Variants in IGF1R observed in about 807,000 individuals in gnomAD.
IGF1R encodes the protein insulin like growth factor 1 receptor.
A neutral mutation model predicts 144.6 loss-of-function variants in IGF1R; 44 were observed. The ratio of observed to expected loss-of-function variants is 0.30; its 90% CI spans 0.24 to 0.39. The LOEUF is 0.39. Ranked by LOEUF, IGF1R falls within the 10% of genes least tolerant of loss-of-function variation. The pLI is 1.00. For synonymous variants in IGF1R, 795 were observed against 722.8 expected (o/e 1.10, Z -1.60); for missense variants, 1,355 against 1,833.7 (o/e 0.74, Z 4.77).
chr15:98,722,374 C>T (rs1352516658), intron 2 of IGF1R, among the ~76,000 whole-genome samples: 1 of 152,196 alleles, frequency 6.6e-6, no homozygotes, highest in African/African-American at 2.4e-5. Flanking sequence ...GAAATGTCCA[C>T]ACTTGCTCAG....
At chr15:98,753,323 C>T (rs955627906) in intron 2 of IGF1R, among the ~76,000 whole-genome samples, 1 of 150,926 alleles carries the variant, frequency 6.6e-6, no homozygotes, top group African/African-American at 2.4e-5. Context: ...CTCAAGCAAT[C>T]CTCCCGCCTG....
At chr15:98,878,644 T>C (rs2141623047) in intron 2 of IGF1R, among the ~76,000 whole-genome samples, 2 of 132,332 alleles carry the variant, frequency 1.5e-5, no homozygotes, top group East Asian at 2.2e-4. Context: ...GATTTCTCTC[T>C]TCTTATTTGT....
chr15:98,824,472 T>TACTC (rs1468461374), intron 2 of IGF1R, among the ~76,000 whole-genome samples: 1 of 152,194 alleles, frequency 6.6e-6, no homozygotes, highest in Non-Finnish European at 1.5e-5. Context: ...TTAGGTAAGG[T>TACTC]ACTCATATGT....
At chr15:98,926,296 T>C (rs1334527602) in intron 13 of IGF1R, among the ~76,000 whole-genome samples, 2 of 152,162 alleles carry the variant, frequency 1.3e-5, no homozygotes, top group Non-Finnish European at 2.9e-5. Context: ...GAATGGAGGT[T>C]ACCAGGGGCT....
At chr15:98,949,604 CA>C (rs1234206384) in intron 20 of IGF1R, among the ~76,000 whole-genome samples, 2 of 152,164 alleles carry the variant, frequency 1.3e-5, no homozygotes, top group African/African-American at 4.8e-5. Flanking sequence ...CTCCTGACCT[CA>C]GATGATCTCC....
At chr15:98,898,371 T>C (rs1298968414) in intron 4 of IGF1R, among the ~76,000 whole-genome samples, 1 of 152,230 alleles carries the variant, frequency 6.6e-6, no homozygotes, top group East Asian at 1.9e-4. Context: ...AAATGTGTCT[T>C]CTGGTTTATG....
chr15:98,750,247 G>C (rs1236031511), intron 2 of IGF1R, among the ~76,000 whole-genome samples: 2 of 152,084 alleles, frequency 1.3e-5, no homozygotes, highest in Non-Finnish European at 2.9e-5. Flanking sequence ...CTCCCTTGTT[G>C]GGGGGTCCCT....
intron 2 of IGF1R, among the ~76,000 whole-genome samples, chr15:98,780,573 AAAGAG>A (rs564651837): frequency 0.056 from 902 of 16,204 alleles, 95 homozygotes; most frequent in African/African-American, 0.088. Context: ...AAAAAAAAAA[AAAGAG>A]AGAGAGAGTA....
intron 2 of IGF1R, among the ~76,000 whole-genome samples, chr15:98,842,951 G>A (rs955742033): frequency 6.6e-6 from 1 of 152,194 alleles, no homozygotes; most frequent in African/African-American, 2.4e-5. Context: ...AATTTTTGCT[G>A]TTAGCAAATA....
Position 98,913,091 on chromosome 15 carries a change from C to T in IGF1R, c.1637C>T (p.Ser546Phe). 1 of 1,614,194 alleles carries T rather than the reference C, an allele frequency of 6.2e-7. No homozygotes were observed. The highest frequency in any genetic ancestry group is 8.5e-7 in the Non-Finnish European group (1 of 1,180,034). The change falls in exon 8 of 21, where the codon TCC (serine) becomes TTC (phenylalanine). Residue 546 changes from serine (S) to phenylalanine (F), a missense_variant. Ser to Phe is a radical substitution (Grantham distance 155, BLOSUM62 -2). This residue lies in a region of IGF1R where 880 missense variants were observed against 1,202.7 expected (regional missense o/e 0.73). Transcript: ENST00000650285. ...TEYDGQDACG[S>F]NSWNMVDVDL... is the part of the protein sequence containing the mutation. ...TATGATGGGCAGGATGCCTGCGGCTCCAACAGCTGGAACATGGTGGACGTG... is the reference window on the plus strand; with the variant it reads ...TATGATGGGCAGGATGCCTGCGGCTTCAACAGCTGGAACATGGTGGACGTG...
rs149097400 is a variant in IGF1R, at chr15:98,822,492, A to G, written c.641-68833A>G. On this transcript the variant is annotated intron_variant, in intron 2 of 20. Coordinates refer to ENST00000650285, the MANE Select transcript of IGF1R (RefSeq NM_000875.5). ...ATGTAAAGTTTGGAGCCTAACTTAG[A>G]ATTTAAAATAAAATACATTTTGACC... is the stretch of plus-strand genomic sequence containing the variant. Among the ~76,000 whole-genome samples the G allele has an allele frequency of 2.8e-3, 421 of 152,198 alleles. 1 individual carries two copies. Among genetic ancestry groups the G allele is most frequent in the African/African-American group, 9.8e-3 (408 of 41,434 alleles).
At chr15:98,742,727 A>G (rs1354551790) in intron 2 of IGF1R, among the ~76,000 whole-genome samples, 1 of 152,212 alleles carries the variant, frequency 6.6e-6, no homozygotes, top group Non-Finnish European at 1.5e-5. Context: ...ACTTGTTACA[A>G]ACATTGGCTT....
chr15:98,950,969 G>C (rs1204672666), intron 20 of IGF1R, among the ~76,000 whole-genome samples: 1 of 152,248 alleles, frequency 6.6e-6, no homozygotes, highest in Admixed American at 6.5e-5. Context: ...CCGGCCAGCG[G>C]AGGGCATGGG....
chr15:98,690,739 C>T (rs2053457019), intron 1 of IGF1R, among the ~76,000 whole-genome samples: 2 of 152,192 alleles, frequency 1.3e-5, no homozygotes, highest in African/African-American at 4.8e-5. Context: ...GCTTCACTCC[C>T]CGGAAGGAAC....
intron 1 of IGF1R, among the ~76,000 whole-genome samples, chr15:98,688,536 G>A (rs1414131874): frequency 6.6e-6 from 1 of 152,124 alleles, no homozygotes; most frequent in East Asian, 1.9e-4. Context: ...TTGGGGGTCT[G>A]TGCTAACCAC....
intron 2 of IGF1R, among the ~76,000 whole-genome samples, chr15:98,755,595 G>A (rs1178584197): frequency 6.6e-6 from 1 of 151,670 alleles, no homozygotes; most frequent in Non-Finnish European, 1.5e-5. Context: ...ACAAAAATTA[G>A]CTGGGCGTGG....
At chr15:98,777,558 G>C (rs1204551767) in intron 2 of IGF1R, among the ~76,000 whole-genome samples, 1 of 152,230 alleles carries the variant, frequency 6.6e-6, no homozygotes, top group Non-Finnish European at 1.5e-5. Flanking sequence ...AAGGGTGCAG[G>C]CGGCTCTGGG....
rs759496904 is a variant in IGF1R at position 98,929,592 on chromosome 15, T to C, written c.2817T>C (p.Ala939=). The C allele has an allele frequency of 6.2e-7, 1 of 1,614,232 alleles. No individual in the cohort carries two copies. The highest frequency in any genetic ancestry group is 8.5e-7 in the Non-Finnish European group (1 of 1,180,014). ...GYENFIHLII[A]LPVAVLLIVG... is the part of the protein sequence containing the mutation. The stretch of plus-strand genomic sequence containing the variant: ...AAAACTTCATCCATCTGATCATCGC[T>C]CTGCCCGTCGCTGTCCTGTTGATCG... The change falls in exon 14 of 21, where the codon GCT becomes GCC. Residue 939 remains alanine, a synonymous_variant. Transcript: ENST00000650285.
intron 2 of IGF1R, among the ~76,000 whole-genome samples, chr15:98,887,016 G>T (rs573822081): frequency 2.0e-5 from 3 of 152,144 alleles, no homozygotes; most frequent in Non-Finnish European, 4.4e-5. Context: ...TGCTGCCCCC[G>T]CATAGAGCAT....
Sources: gnomAD v4.1 joint callset for allele counts (sites outside exome capture counted in the v4.1 genomes callset) on GRCh38, gnomAD v4.1.1 for gene constraint, gnomAD v4.1.1 regional missense constraint, MANE v1.5 for transcripts, NCBI Gene and HGNC (gene_info 2026-07-23, HGNC 2026-07-21) for gene names.